The following LRRC7 variants were observed in gnomAD, a reference collection of about 807,000 sequenced individuals.
LRRC7 encodes leucine-rich repeat-containing protein 7.
In LRRC7, 23 loss-of-function variants were observed where a neutral mutation model predicts 175.7. The observed-to-expected ratio is 0.13, with a 90% confidence interval of 0.09 to 0.19. The LOEUF is 0.19. Among genes scored for constraint, LRRC7 ranks in the 10% least tolerant of loss-of-function variants. The pLI is 1.00. For synonymous variants in LRRC7, 685 were observed against 680.9 expected, an observed-to-expected ratio of 1.01 and a Z score of -0.09; for missense variants, 1,354 against 1,904.7, an observed-to-expected ratio of 0.71 and a Z score of 5.38.
At chr1:69,713,501 C>T (rs1344081027) in intron 2 of LRRC7, among the ~76,000 whole-genome samples, 1 of 151,914 alleles carries the variant, frequency 6.6e-6, no homozygotes, top group Non-Finnish European at 1.5e-5. Context: ...GTCTCAAAAA[C>T]AAACAGAAAG....
chr1:69,598,686 G>C (rs1341781), intron 1 of LRRC7, among the ~76,000 whole-genome samples: 23,036 of 152,086 alleles, frequency 0.15, 1,927 homozygotes, highest in Admixed American at 0.19. Context: ...CAAATATATA[G>C]GCACCATGAT....
chr1:70,081,527 TC>T (rs1435957582), intron 24 of LRRC7, among the ~76,000 whole-genome samples: 1 of 152,334 alleles, frequency 6.6e-6, no homozygotes, highest in East Asian at 1.9e-4. Context: ...AAGTTCAATG[TC>T]TTGCCTGTGG....
chr1:69,652,221 C>T (rs535695588), intron 1 of LRRC7, among the ~76,000 whole-genome samples: 2 of 140,058 alleles, frequency 1.4e-5, no homozygotes, highest in Admixed American at 7.4e-5. Context: ...TCTCTGTTCA[C>T]AGATGACATG....
At chr1:69,828,172 C>T (rs1245718826) in intron 5 of LRRC7, among the ~76,000 whole-genome samples, 2 of 152,038 alleles carry the variant, frequency 1.3e-5, no homozygotes, top group East Asian at 3.9e-4. Context: ...TTTATCTGTA[C>T]CTCAGTTGAT....
intron 11 of LRRC7, among the ~76,000 whole-genome samples, chr1:70,011,376 T>C (rs1335948586): frequency 6.6e-6 from 1 of 152,076 alleles, no homozygotes; most frequent in Non-Finnish European, 1.5e-5. Context: ...GTAAAATACC[T>C]AACATTTTAT....
chr1:69,945,038 C>A (rs1649157895), intron 8 of LRRC7, among the ~76,000 whole-genome samples: 1 of 152,006 alleles, frequency 6.6e-6, no homozygotes, highest in Admixed American at 6.6e-5. Context: ...ATTTTTACTT[C>A]TTTTGTCTCT....
At chr1:69,881,624 A>G (rs2101613052) in intron 7 of LRRC7, among the ~76,000 whole-genome samples, 1 of 152,246 alleles carries the variant, frequency 6.6e-6, no homozygotes, top group Non-Finnish European at 1.5e-5. Flanking sequence ...CGCACCTATA[A>G]TCTCAGAACT....
chr1:69,697,579 C>T lies in LRRC7; in HGVS notation c.100+19101C>T, dbSNP rs547112679. The stretch of plus-strand genomic sequence containing the variant: ...TGCAGTAGCTCAGCCAGTATCTACT[C>T]AGGCCAGCAGGGGCTATACACTAAT... On this transcript the variant is annotated intron_variant, in intron 2 of 26. Transcript: ENST00000651989. 1.7e-3 allele frequency among the ~76,000 whole-genome samples: 252 copies of T among 152,344 alleles called. 1 individual carries two copies. Among genetic ancestry groups the T allele is most frequent in the African/African-American group, 6.0e-3 (248 of 41,582 alleles).
intron 7 of LRRC7, among the ~76,000 whole-genome samples, chr1:69,856,236 A>G (rs898436741): frequency 2.0e-5 from 3 of 152,178 alleles, no homozygotes; most frequent in Non-Finnish European, 1.5e-5. Flanking sequence ...TTCAAAAGCT[A>G]GCAGAAGGTA....
intron 7 of LRRC7, among the ~76,000 whole-genome samples, chr1:69,893,126 TG>T (rs1310296791): frequency 6.6e-6 from 1 of 152,176 alleles, no homozygotes; most frequent in Non-Finnish European, 1.5e-5. Context: ...GTCCTCACAA[TG>T]GGAGATTGAA....
intron 22 of LRRC7, among the ~76,000 whole-genome samples, chr1:70,050,312 A>T (rs1322901827): frequency 3.9e-5 from 6 of 152,158 alleles, no homozygotes; most frequent in African/African-American, 1.4e-4. Flanking sequence ...ACCCACACTC[A>T]TCTTTGGGCA....
intron 1 of LRRC7, among the ~76,000 whole-genome samples, chr1:69,668,290 C>T (rs56082941): frequency 0.19 from 29,595 of 151,866 alleles, 3,036 homozygotes; most frequent in East Asian, 0.26. Flanking sequence ...TGCTATCCCT[C>T]CCCTAGCCCC....
At position 69,895,103 on chromosome 1, in the gene LRRC7, T is replaced by C. The variant is rs188440647; in HGVS notation, c.648-36404T>C. On this transcript the variant is annotated intron_variant, in intron 7 of 26. Transcript: ENST00000651989. ...CAAAATTAGCCAGGCGTGGTGGTGC[T>C]TGCCTGTAATCCCAGCTACTCGGGA... 2.6e-5 allele frequency among the ~76,000 whole-genome samples: 4 copies of C among 152,056 alleles called. No individual in the cohort carries two copies. In the East Asian group the frequency reaches 7.8e-4, roughly 30 times the overall value.
At chr1:69,916,732 C>T (rs577881364) in intron 7 of LRRC7, among the ~76,000 whole-genome samples, 1 of 152,036 alleles carries the variant, frequency 6.6e-6, no homozygotes, top group Non-Finnish European at 1.5e-5. Flanking sequence ...TTCATTTAAC[C>T]GTCACTGGTT....
chr1:69,698,894 A>G (rs1466638785), intron 2 of LRRC7, among the ~76,000 whole-genome samples: 1 of 152,084 alleles, frequency 6.6e-6, no homozygotes, highest in Non-Finnish European at 1.5e-5. Context: ...GATTTTTCCT[A>G]CCTCACTCAC....
Position 70,130,206 on chromosome 1 carries a change from G to A in LRRC7, c.*8319G>A, listed in dbSNP as rs989670917. 6.6e-5 allele frequency: 10 copies of A among 152,140 alleles called. No individual in the cohort carries two copies. The highest frequency in any genetic ancestry group is 2.4e-4 in the African/African-American group (10 of 41,420). The allele number at this position is 152,140 out of a possible 1,614,324, so 9.4% of individuals were successfully genotyped here. On this transcript the variant is annotated 3_prime_UTR_variant, in exon 27 of 27. Transcript: ENST00000651989. Reference sequence around the variant, plus strand: ...GAACTTTAAGCTTTTTGAGAGAGAGGATCAGACAATACTTAACAAAGGACT... The same window carrying A: ...GAACTTTAAGCTTTTTGAGAGAGAGAATCAGACAATACTTAACAAAGGACT...
rs1008397274 is a variant in LRRC7, at chr1:70,131,596, G to C, written c.*9709G>C. On this transcript the variant is annotated 3_prime_UTR_variant, in exon 27 of 27. Transcript: ENST00000651989. ...CTGCTTTTTAATTTCTTTGTATAAA[G>C]AGAACTTGATAACTATCAAGTTAAT... Among the ~76,000 whole-genome samples the C allele has an allele frequency of 6.6e-6, 1 of 152,106 alleles. No individual in the cohort carries two copies. Among genetic ancestry groups the C allele is most frequent in the African/African-American group, 2.4e-5 (1 of 41,416 alleles).
chr1:69,936,301 G>A lies in LRRC7; in HGVS notation c.711+4731G>A, dbSNP rs970577692. ...AAAATGTTAGGACTTGATTACAACG[G>A]CATTGACCCTATAACTCAATTTTTT... On this transcript the variant is annotated intron_variant, in intron 8 of 26. Coordinates refer to ENST00000651989, the MANE Select transcript of LRRC7 (RefSeq NM_001370785.2). Among the ~76,000 whole-genome samples, 17 of 152,218 alleles carry A rather than the reference G, an allele frequency of 1.1e-4. No homozygotes were observed. The East Asian group carries it at 2.9e-3, about 26-fold the overall frequency.
chr1:70,001,942 G>C (rs1655574446), intron 11 of LRRC7, among the ~76,000 whole-genome samples: 1 of 152,156 alleles, frequency 6.6e-6, no homozygotes, highest in Admixed American at 6.6e-5. Flanking sequence ...TACAGAAACA[G>C]AGGCAGAGAG....
Sources: gnomAD v4.1 joint callset for allele counts (sites outside exome capture counted in the v4.1 genomes callset) on GRCh38, gnomAD v4.1.1 for gene constraint, MANE v1.5 for transcripts, NCBI Gene and HGNC (gene_info 2026-07-23, HGNC 2026-07-21) for gene names.